SPAG16: variants seen among roughly 807,000 people sequenced by gnomAD.
The protein encoded by SPAG16 is sperm associated antigen 16, also known as sperm-associated antigen 16 protein.
In SPAG16, 86 loss-of-function variants were observed where a neutral mutation model predicts 80.4. The observed-to-expected ratio is 1.07, with a 90% CI of 0.90 to 1.28. The LOEUF (loss-of-function observed/expected upper bound fraction) is 1.28, where lower values mean the gene tolerates loss of function less well. SPAG16 is among the 50% of genes most tolerant of loss of function. The probability of loss-of-function intolerance (pLI) is 0.00; values close to 1 mark genes in which losing one functional copy is unlikely to be tolerated. For missense variants in SPAG16, 870 were observed against 765.3 expected, an observed-to-expected ratio of 1.14 and a Z score of -1.61; for synonymous variants, 294 against 265.9, an observed-to-expected ratio of 1.11 and a Z score of -1.03.
chr2:213,839,061 G>C (rs2074240625), intron 10 of SPAG16, among the ~76,000 whole-genome samples: 1 of 152,222 alleles, frequency 6.6e-6, no homozygotes. Context: ...AATAAAGGAA[G>C]TGAGATTGTA....
chr2:213,355,514 T>G (rs558882272), intron 7 of SPAG16, among the ~76,000 whole-genome samples: 2 of 152,296 alleles, frequency 1.3e-5, no homozygotes, highest in South Asian at 4.1e-4. Context: ...TGTTCTTCCA[T>G]TTGTTTGTGT....
chr2:213,346,812 G>A (rs1212347763), intron 6 of SPAG16, among the ~76,000 whole-genome samples: 2 of 145,820 alleles, frequency 1.4e-5, no homozygotes, highest in Non-Finnish European at 3.0e-5. Context: ...TTGCATCGAT[G>A]TTCATCAGGG....
intron 9 of SPAG16, among the ~76,000 whole-genome samples, chr2:213,401,489 A>T (rs2068306774): frequency 6.6e-6 from 1 of 152,230 alleles, no homozygotes; most frequent in Non-Finnish European, 1.5e-5. Context: ...GGATTAAAGG[A>T]TATAAACAAG....
intron 15 of SPAG16, among the ~76,000 whole-genome samples, chr2:214,361,263 T>C (rs551274427): frequency 1.3e-5 from 2 of 151,958 alleles, no homozygotes; most frequent in African/African-American, 2.4e-5. Flanking sequence ...TAATCGGTAA[T>C]ATTGATCAGT....
At chr2:213,680,590 G>A (rs1164856828) in intron 10 of SPAG16, among the ~76,000 whole-genome samples, 3 of 152,106 alleles carry the variant, frequency 2.0e-5, no homozygotes, top group Non-Finnish European at 2.9e-5. Flanking sequence ...TGATATGCTC[G>A]AATATGTGTA....
chr2:213,517,818 G>T (rs879841744), intron 10 of SPAG16, among the ~76,000 whole-genome samples: 85 of 152,260 alleles, frequency 5.6e-4, no homozygotes, highest in African/African-American at 1.9e-3. Flanking sequence ...ATGGATTAAA[G>T]ATTTAAATGT....
chr2:213,493,820 A>T (rs1308660299), intron 10 of SPAG16, among the ~76,000 whole-genome samples: 2 of 151,608 alleles, frequency 1.3e-5, no homozygotes, highest in Admixed American at 6.6e-5. Context: ...TATCCGGAGA[A>T]CTCCCCATCA....
At chr2:213,751,758 A>T (rs1234357678) in intron 10 of SPAG16, among the ~76,000 whole-genome samples, 1 of 152,198 alleles carries the variant, frequency 6.6e-6, no homozygotes, top group Non-Finnish European at 1.5e-5. Context: ...TCTGCTGTAT[A>T]AACAAGTTTC....
At chr2:214,034,575 G>A (rs946175244) in intron 13 of SPAG16, among the ~76,000 whole-genome samples, 2 of 152,310 alleles carry the variant, frequency 1.3e-5, no homozygotes, top group Non-Finnish European at 2.9e-5. Context: ...ATGGGGTCTA[G>A]CCACTGTGCA....
chr2:214,309,090 CATTCTTTTTT>C (rs1695115838), intron 15 of SPAG16, among the ~76,000 whole-genome samples: 2 of 151,946 alleles, frequency 1.3e-5, no homozygotes, highest in South Asian at 4.2e-4. Context: ...CATTCCTTTT[CATTCTTTTTT>C]TCTCTAGTCT....
intron 13 of SPAG16, among the ~76,000 whole-genome samples, chr2:214,015,716 T>C (rs965421055): frequency 2.0e-5 from 3 of 152,166 alleles, no homozygotes; most frequent in Non-Finnish European, 4.4e-5. Context: ...AACACCATCC[T>C]GTCCTGGCTG....
chr2:214,230,519 T>C (rs1688616742), intron 15 of SPAG16, among the ~76,000 whole-genome samples: 1 of 152,026 alleles, frequency 6.6e-6, no homozygotes, highest in South Asian at 2.1e-4. Flanking sequence ...ACTTTTAATC[T>C]CAGGAAGAAA....
At chr2:213,532,462 A>T (rs935439805) in intron 10 of SPAG16, among the ~76,000 whole-genome samples, 17 of 139,974 alleles carry the variant, frequency 1.2e-4, no homozygotes, top group Admixed American at 1.1e-3. Flanking sequence ...GTTTAATTGA[A>T]TTTTTTTTTT....
chr2:214,307,949 T>C (rs1398489964), intron 15 of SPAG16, among the ~76,000 whole-genome samples: 1 of 152,164 alleles, frequency 6.6e-6, no homozygotes, highest in Non-Finnish European at 1.5e-5. Flanking sequence ...CTTTGTTAAT[T>C]TTCTGTCTCA....
intron 10 of SPAG16, among the ~76,000 whole-genome samples, chr2:213,724,645 G>C (rs1435453946): frequency 3.3e-5 from 5 of 151,764 alleles, no homozygotes; most frequent in African/African-American, 1.2e-4. Context: ...GGGTGTGGTG[G>C]CGAGTGCCTG....
rs535724833 is a variant in SPAG16, at chr2:214,081,057, G to T, written c.1528-27139G>T. ...TTCACATACAGGGCTATATATTAAT[G>T]TAAAATAAACATGGACATATATTAT... On this transcript the variant is annotated intron_variant, in intron 13 of 15. Coordinates refer to ENST00000331683, the MANE Select transcript of SPAG16 (RefSeq NM_024532.5). 2.0e-5 allele frequency among the ~76,000 whole-genome samples: 3 copies of T among 151,552 alleles called. No homozygotes were observed. In the South Asian group the frequency reaches 6.3e-4, roughly 32 times the overall value.
chr2:213,703,311 C>T (rs1032636984), intron 10 of SPAG16, among the ~76,000 whole-genome samples: 3 of 152,184 alleles, frequency 2.0e-5, no homozygotes, highest in Admixed American at 6.6e-5. Flanking sequence ...CTTGGCTGTC[C>T]TGTTCTCCAG....
At chr2:213,545,965 A>G (rs1309085871) in intron 10 of SPAG16, among the ~76,000 whole-genome samples, 1 of 152,120 alleles carries the variant, frequency 6.6e-6, no homozygotes, top group African/African-American at 2.4e-5. Context: ...CTTGGGGGGA[A>G]GGTCACTACT....
intron 4 of SPAG16, among the ~76,000 whole-genome samples, chr2:213,315,295 C>G (rs1417652037): frequency 6.6e-6 from 1 of 151,924 alleles, no homozygotes; most frequent in African/African-American, 2.4e-5. Context: ...CCACCTCCCT[C>G]TTTACCACCC....
Sources: allele counts gnomAD v4.1 joint callset (sites outside exome capture counted in the v4.1 genomes callset), GRCh38; gene constraint gnomAD v4.1.1; transcripts MANE v1.5; gene names NCBI Gene and HGNC (gene_info 2026-07-23, HGNC 2026-07-21).